The following FKBP10 variants were observed in gnomAD, a reference collection of about 807,000 sequenced individuals.
FKBP10 encodes FKBP prolyl isomerase 10.
FKBP10 carries 34 observed loss-of-function variants against 53.7 expected under a neutral mutation model. The observed-to-expected ratio is 0.63, with a 90% CI of 0.48 to 0.84. The LOEUF (loss-of-function observed/expected upper bound fraction) is 0.84, where lower values mean the gene tolerates loss of function less well. Ranked by LOEUF, FKBP10 falls within the 40% of genes least tolerant of loss-of-function variation. The pLI is 0.00. For missense variants in FKBP10, 748 were observed against 797.8 expected (o/e 0.94, Z 0.75); for synonymous variants, 324 against 335.7 (o/e 0.97, Z 0.38).
intron 4 of FKBP10, 172 bp from the exon 5 acceptor site, chr17:41,819,038 A>G: frequency 1.5e-6 from 1 of 661,038 alleles, no homozygotes; most frequent in Non-Finnish European, 2.6e-6. Context: ...CCCTGGGGAA[A>G]ACCCAGCTCA....
Position 41,817,103 on chromosome 17 carries a change from C to T in FKBP10, c.291C>T (p.Arg97=), listed in dbSNP as rs782085398. ...TLVAIVVGVG[R]LITGMDRGLM... ...TGGCCATCGTGGTGGGTGTGGGGCG[C>T]CTCATCACTGGCATGGACCGAGGCC... The change falls in exon 2 of 10, where the codon CGC becomes CGT. Residue 97 remains arginine (R), a synonymous_variant. Transcript: ENST00000321562. 3 of 1,613,976 alleles carry T rather than the reference C, an allele frequency of 1.9e-6. No individual in the cohort carries two copies. In the East Asian group the frequency reaches 6.7e-5, roughly 36 times the overall value.
At position 41,821,810 on chromosome 17, in the gene FKBP10, CGGA is replaced by C. The variant is rs1447639621; in HGVS notation, c.1562_1563+1del. 3 of 1,614,016 alleles carry C rather than the reference CGGA, an allele frequency of 1.9e-6. No individual in the cohort carries two copies. The highest frequency in any genetic ancestry group is 2.5e-6 in the Non-Finnish European group (3 of 1,180,026). The stretch of plus-strand genomic sequence containing the variant: ...CTCAACAAGGATGGCGAGGTCCCTC[CGGA>C]GGAGGTGGGTGAAGGTTCAGTCCTA... On this transcript the variant is annotated inframe_deletion, in exon 9 of 10. Transcript: ENST00000321562.
intron 2 of FKBP10, 58 bp downstream of exon 2, chr17:41,817,261 A>ACCACCCCACCTCTGCTC: frequency 6.3e-7 from 1 of 1,598,870 alleles, no homozygotes. Context: ...AGAATCAGGG[A>ACCACCCCACCTCTGCTC]TCCTGGGGTG....
chr17:41,819,561 A>G lies in FKBP10; in HGVS notation c.949A>G (p.Ile317Val). ...CCGCAACCACACCTACAATACCTATATCGGGCAGGGTTACATCATCCCCGG... is the reference window on the plus strand; with the variant it reads ...CCGCAACCACACCTACAATACCTATGTCGGGCAGGGTTACATCATCCCCGG... Reference protein sequence around the residue: ...YSRNHTYNTYIGQGYIIPGMD... With the variant: ...YSRNHTYNTYVGQGYIIPGMD... Residue 317 changes from isoleucine (I) to valine (V), a missense_variant, in exon 6 of 10, where the codon ATC (isoleucine) becomes GTC (valine). Coordinates refer to ENST00000321562, the MANE Select transcript of FKBP10 (RefSeq NM_021939.4). 1 of 1,614,018 alleles carries G rather than the reference A, an allele frequency of 6.2e-7. No individual in the cohort carries two copies. The highest frequency in any genetic ancestry group is 8.5e-7 in the Non-Finnish European group (1 of 1,179,996).
intron 6 of FKBP10, 109 bp from the exon 7 acceptor site, chr17:41,820,160 G>A: frequency 7.4e-7 from 1 of 1,344,412 alleles, no homozygotes; most frequent in East Asian, 2.3e-5. Flanking sequence ...TCCTCCTTTG[G>A]ATCCTCAGGG....
At chr17:41,817,333 G>A in intron 2 of FKBP10, 130 bp downstream of exon 2, 1 of 1,265,920 alleles carries the variant, frequency 7.9e-7, no homozygotes, top group Non-Finnish European at 1.1e-6. Flanking sequence ...CACGCAGTAT[G>A]AAGAGTGGCA....
In FKBP10 at chr17:41,819,684, G is replaced by A. The variant is rs782072228; in HGVS notation, c.1063+9G>A. ...TGGGGAGAATGGAACTGGTAGGGGC[G>A]TTCCCCAGCCACCACCTCAGCTCCT... On this transcript the variant is annotated intron_variant, in intron 6 of 9. Coordinates refer to ENST00000321562, the MANE Select transcript of FKBP10 (RefSeq NM_021939.4). The A allele has an allele frequency of 1.3e-5, 20 of 1,591,174 alleles. No homozygotes were observed. The highest frequency in any genetic ancestry group is 9.4e-5 in the African/African-American group (7 of 74,454).
At chr17:41,817,981 TG>T in intron 2 of FKBP10, 107 bp from the exon 3 acceptor site, 3 of 1,163,864 alleles carry the variant, frequency 2.6e-6, no homozygotes, top group Non-Finnish European at 3.7e-6. Flanking sequence ...GTCCCTGGTT[TG>T]GGTCTCTTGG....
intron 9 of FKBP10, 105 bp from the exon 10 acceptor site, chr17:41,822,118 A>G: frequency 8.5e-7 from 1 of 1,179,978 alleles, no homozygotes; most frequent in Non-Finnish European, 1.2e-6. Context: ...GGAGCCTGGG[A>G]AAAAAGAAGA....
chr17:41,814,480 G>A (rs1348166914), intron 1 of FKBP10, among the ~76,000 whole-genome samples: 1 of 152,208 alleles, frequency 6.6e-6, no homozygotes, highest in African/African-American at 2.4e-5. Context: ...CATTAACATT[G>A]ACCCTGAGGA....
chr17:41,820,917 C>T, intron 7 of FKBP10, 30 bp from the exon 8 acceptor site: 5 of 1,607,260 alleles, frequency 3.1e-6, no homozygotes, highest in Non-Finnish European at 4.2e-6. Context: ...GACAGGGTGG[C>T]TGCTGACCTG....
chr17:41,815,489 A>G (rs1413474909), intron 1 of FKBP10, among the ~76,000 whole-genome samples: 2 of 150,006 alleles, frequency 1.3e-5, no homozygotes, highest in Non-Finnish European at 3.0e-5. Flanking sequence ...TTTTTGAGAC[A>G]GAGTCTTGCT....
rs181832957 is a variant in FKBP10, at chr17:41,817,006, C to T, written c.246-52C>T. ...ACCTGTGCATCTGTGCCACCATGGGCAGTGTGTGTGTGTCTGAGGTCACTG... is the reference window on the plus strand; with the variant it reads ...ACCTGTGCATCTGTGCCACCATGGGTAGTGTGTGTGTGTCTGAGGTCACTG... On this transcript the variant is annotated intron_variant, in intron 1 of 9. Transcript: ENST00000321562. 1,074 of 1,608,884 alleles carry T rather than the reference C, an allele frequency of 6.7e-4. 19 individuals are homozygous for T. The East Asian group carries it at 0.019, about 29-fold the overall frequency.
Position 41,818,081 on chromosome 17 carries a change from T to C in FKBP10, c.392-8T>C, listed in dbSNP as rs2047838064. 2.5e-6 allele frequency: 4 copies of C among 1,600,100 alleles called. No individual in the cohort carries two copies. Among genetic ancestry groups the C allele is most frequent in the East Asian group, 2.3e-5 (1 of 43,964 alleles). ...CTCTGAGACCTCCACGCTGCTGCGC[T>C]CTCACAGCGGGGCTCATTCCACCGG... On this transcript the variant is annotated splice_polypyrimidine_tract_variant and splice_region_variant and intron_variant, in intron 2 of 9. Coordinates refer to ENST00000321562, the MANE Select transcript of FKBP10 (RefSeq NM_021939.4).
At chr17:41,821,125 T>C in intron 8 of FKBP10, 36 bp downstream of exon 8, 2 of 1,495,398 alleles carry the variant, frequency 1.3e-6, no homozygotes, top group Admixed American at 2.2e-5. Context: ...TTTTTTTTTT[T>C]TTTTTTTTTT....
chr17:41,817,269 G>T (rs1427661237), intron 2 of FKBP10, 66 bp downstream of exon 2: 5 of 1,593,350 alleles, frequency 3.1e-6, no homozygotes, highest in Non-Finnish European at 4.3e-6. Context: ...GGATCCTGGG[G>T]TGAGAAAACT....
chr17:41,821,311 C>T (rs916362916), intron 8 of FKBP10, among the ~76,000 whole-genome samples: 4 of 151,868 alleles, frequency 2.6e-5, no homozygotes, highest in Non-Finnish European at 4.4e-5. Flanking sequence ...TTAGTAGAGA[C>T]AGGGTTTTGC....
Position 41,818,159 on chromosome 17 carries a change from C to A in FKBP10, c.462C>A (p.Asp154Glu). Residue 154 changes from aspartate to glutamate, a missense_variant, in exon 3 of 10, where the codon GAC becomes GAA. Transcript: ENST00000321562. ...TGCTGGATGTGTGGAACAAGGAAGACACCGTGCAGGTGAGCACATTGCTGC... is the reference window on the plus strand; with the variant it reads ...TGCTGGATGTGTGGAACAAGGAAGAAACCGTGCAGGTGAGCACATTGCTGC... Reference protein sequence around the residue: ...VVLLDVWNKEDTVQVSTLLRP... With the variant: ...VVLLDVWNKEETVQVSTLLRP... 1.9e-6 allele frequency: 3 copies of A among 1,613,832 alleles called. No individual in the cohort carries two copies. Among genetic ancestry groups the A allele is most frequent in the Non-Finnish European group, 2.5e-6 (3 of 1,179,962 alleles).
chr17:41,813,338 T>C, intron 1 of FKBP10, 59 bp downstream of exon 1: 1 of 1,609,862 alleles, frequency 6.2e-7, no homozygotes, highest in Non-Finnish European at 8.5e-7. Flanking sequence ...CGGGGTCCTG[T>C]TTCCTTGTTG....
Sources: allele counts gnomAD v4.1 joint callset (sites outside exome capture counted in the v4.1 genomes callset), GRCh38; gene constraint gnomAD v4.1.1; transcripts MANE v1.5; gene names NCBI Gene and HGNC (gene_info 2026-07-23, HGNC 2026-07-21).